The following PCSK5 variants were observed in gnomAD, a reference collection of about 807,000 sequenced individuals.
The protein encoded by PCSK5 is proprotein convertase subtilisin/kexin type 5, also known as prohormone convertase 5.
In PCSK5, 129 loss-of-function variants were observed where a neutral mutation model predicts 233.2. The ratio of observed to expected loss-of-function variants is 0.55; its 90% confidence interval spans 0.48 to 0.64. The LOEUF is 0.64. Among genes scored for constraint, PCSK5 ranks in the 30% least tolerant of loss-of-function variants. The probability of loss-of-function intolerance (pLI) is 0.00; values close to 1 mark genes in which losing one functional copy is unlikely to be tolerated. For synonymous variants in PCSK5, 825 were observed against 879.2 expected (o/e 0.94, Z 1.09); for missense variants, 2,076 against 2,430.1 (o/e 0.85, Z 3.06).
chr9:76,254,342 C>A (rs986120726), intron 24 of PCSK5, among the ~76,000 whole-genome samples: 2 of 152,098 alleles, frequency 1.3e-5, no homozygotes, highest in African/African-American at 4.8e-5. Context: ...ATGAAATAGT[C>A]CCAGATGTGT....
chr9:76,273,445 G>C (rs17062318), intron 24 of PCSK5, among the ~76,000 whole-genome samples: 1 of 151,448 alleles, frequency 6.6e-6, no homozygotes, highest in Non-Finnish European at 1.5e-5. Flanking sequence ...CCCTTCTCAA[G>C]GTGTTTCTTC....
At chr9:76,268,418 T>C (rs1827406780) in intron 24 of PCSK5, among the ~76,000 whole-genome samples, 1 of 152,242 alleles carries the variant, frequency 6.6e-6, no homozygotes, top group South Asian at 2.1e-4. Flanking sequence ...CTTTGTTTGT[T>C]GACTGGTGGT....
At chr9:75,974,844 C>T (rs1825949602) in intron 2 of PCSK5, among the ~76,000 whole-genome samples, 1 of 152,138 alleles carries the variant, frequency 6.6e-6, no homozygotes. Context: ...ATAGGTTAAC[C>T]TCAAGGGGAC....
rs5898441 is a variant in PCSK5 at position 75,978,869 on chromosome 9, C to CTTTT, written c.298-7256_298-7253dup. Among the ~76,000 whole-genome samples, 111 of 128,048 alleles carry CTTTT rather than the reference C, an allele frequency of 8.7e-4. 3 individuals are homozygous for CTTTT. The highest frequency in any genetic ancestry group is 2.6e-3 in the African/African-American group (94 of 35,652). The allele number at this position is 128,048 out of a possible 152,430, so 84.0% of individuals were successfully genotyped here. ...TTTTAGGCTTTGTTTGAATGTTTCC[C>CTTTT]TTTTTTTTTTCTTTTTTTCTGAGAT... On this transcript the variant is annotated intron_variant, in intron 2 of 37. Transcript: ENST00000674117.
chr9:76,286,184 T>C (rs1481494716), intron 24 of PCSK5, among the ~76,000 whole-genome samples: 1 of 152,194 alleles, frequency 6.6e-6, no homozygotes, highest in Non-Finnish European at 1.5e-5. Flanking sequence ...TATGATTGGG[T>C]TGGTAATTCT....
At chr9:76,216,202 C>T (rs1825524147) in intron 20 of PCSK5, among the ~76,000 whole-genome samples, 1 of 152,042 alleles carries the variant, frequency 6.6e-6, no homozygotes, top group Non-Finnish European at 1.5e-5. Flanking sequence ...TGGAGGGAGA[C>T]AGAGGCTACA....
At chr9:76,290,593 A>T (rs562252641) in intron 24 of PCSK5, among the ~76,000 whole-genome samples, 1 of 152,334 alleles carries the variant, frequency 6.6e-6, no homozygotes, top group Non-Finnish European at 1.5e-5. Context: ...AAATATAGAC[A>T]GTTCTTTTCC....
intron 24 of PCSK5, among the ~76,000 whole-genome samples, chr9:76,262,575 T>C (rs1017093255): frequency 3.3e-5 from 5 of 150,324 alleles, no homozygotes; most frequent in Middle Eastern, 6.8e-3. Context: ...GCTAGCCATA[T>C]GTAGAAAGCT....
chr9:76,087,156 T>A (rs1587609195), intron 7 of PCSK5, among the ~76,000 whole-genome samples: 2 of 152,316 alleles, frequency 1.3e-5, no homozygotes, highest in East Asian at 3.9e-4. Context: ...ACTGTTTTGA[T>A]AAAGTTAAGA....
intron 31 of PCSK5, 91 bp from the exon 32 acceptor site, chr9:76,322,961 A>C (rs34797584): frequency 1.4e-6 from 1 of 714,192 alleles, no homozygotes; most frequent in East Asian, 2.7e-5. Context: ...CAAATCAACC[A>C]AAGTGCTGAG....
At position 76,262,058 on chromosome 9, in the gene PCSK5, G is replaced by A. The variant is rs891616826; in HGVS notation, c.3142+21374G>A. On this transcript the variant is annotated intron_variant, in intron 24 of 37. Transcript: ENST00000674117. ...CAACACTATGTTGAATAGGAGTGGTGAGAGAGGGCATCCCTGTCTTGTGCC... is the reference window on the plus strand; with the variant it reads ...CAACACTATGTTGAATAGGAGTGGTAAGAGAGGGCATCCCTGTCTTGTGCC... Among the ~76,000 whole-genome samples the A allele has an allele frequency of 2.0e-5, 3 of 152,166 alleles. No homozygotes were observed. In the East Asian group the frequency reaches 5.8e-4, roughly 29 times the overall value.
chr9:76,215,687 C>G (rs1379875435), intron 20 of PCSK5, among the ~76,000 whole-genome samples: 2 of 151,990 alleles, frequency 1.3e-5, no homozygotes, highest in African/African-American at 4.8e-5. Context: ...TTTGGGAGAC[C>G]AAGGCAGGCA....
At chr9:75,901,253 A>C (rs1826019943) in intron 1 of PCSK5, among the ~76,000 whole-genome samples, 1 of 152,236 alleles carries the variant, frequency 6.6e-6, no homozygotes, top group Admixed American at 6.5e-5. Flanking sequence ...TGGATAAAGA[A>C]AATGTGGCAC....
intron 2 of PCSK5, among the ~76,000 whole-genome samples, chr9:75,985,486 C>T (rs1027697837): frequency 5.3e-4 from 81 of 151,688 alleles, no homozygotes; most frequent in African/African-American, 1.6e-3. Flanking sequence ...TTCCACCGCA[C>T]GGTGTTGTAG....
Position 75,923,302 on chromosome 9 carries a change from G to A in PCSK5, c.193-9077G>A, listed in dbSNP as rs1225707443. Among the ~76,000 whole-genome samples the A allele has an allele frequency of 3.3e-5, 5 of 152,150 alleles. No homozygotes were observed. The East Asian group carries it at 7.7e-4, about 23-fold the overall frequency. ...TGTTGGGAAGATTAGACGTAACGTA[G>A]GGAAAGCATTCAGGAAGTGGGAATG... On this transcript the variant is annotated intron_variant, in intron 1 of 37. Transcript: ENST00000674117.
At chr9:76,087,492 G>A (rs545696956) in intron 7 of PCSK5, among the ~76,000 whole-genome samples, 7 of 152,262 alleles carry the variant, frequency 4.6e-5, no homozygotes, top group African/African-American at 9.6e-5. Context: ...TCAGTGCAAC[G>A]TGCTCTCCAT....
chr9:76,033,240 A>G (rs867456605), intron 5 of PCSK5, among the ~76,000 whole-genome samples: 1 of 152,180 alleles, frequency 6.6e-6, no homozygotes, highest in African/African-American at 2.4e-5. Flanking sequence ...ACTTATTATA[A>G]TAGTACTAGA....
intron 7 of PCSK5, among the ~76,000 whole-genome samples, chr9:76,086,504 A>C (rs889473633): frequency 6.6e-6 from 1 of 152,228 alleles, no homozygotes; most frequent in African/African-American, 2.4e-5. Context: ...AGGTCTGAGA[A>C]AAAACAGAAT....
intron 20 of PCSK5, among the ~76,000 whole-genome samples, chr9:76,192,557 C>A (rs1230699495): frequency 6.6e-6 from 1 of 152,160 alleles, no homozygotes; most frequent in East Asian, 1.9e-4. Context: ...GAGTTGGATG[C>A]AGAGACATCT....
Sources: gnomAD v4.1 joint callset for allele counts (sites outside exome capture counted in the v4.1 genomes callset) on GRCh38, gnomAD v4.1.1 for gene constraint, MANE v1.5 for transcripts, NCBI Gene and HGNC (gene_info 2026-07-23, HGNC 2026-07-21) for gene names.